PIK3AP1: variants seen among roughly 807,000 people sequenced by gnomAD.
PIK3AP1 encodes phosphoinositide 3-kinase adapter protein 1.
PIK3AP1 carries 21 observed loss-of-function variants against 88.1 expected under a neutral mutation model. The ratio of observed to expected loss-of-function variants is 0.24; its 90% CI spans 0.17 to 0.34. PIK3AP1 has a LOEUF of 0.34. Ranked by LOEUF, PIK3AP1 falls within the 10% of genes least tolerant of loss-of-function variation. PIK3AP1 has a pLI of 1.00. For missense variants in PIK3AP1, 828 were observed against 1,035.7 expected (o/e 0.80, Z 2.75); for synonymous variants, 398 against 400.0 (o/e 1.00, Z 0.06).
At chr10:96,630,008 A>G (rs1037103293) in intron 8 of PIK3AP1, among the ~76,000 whole-genome samples, 1 of 151,740 alleles carries the variant, frequency 6.6e-6, no homozygotes, top group African/African-American at 2.4e-5. Context: ...TAAGAAATTA[A>G]TATCAGTGGT....
At chr10:96,651,469 A>T (rs774694766) in intron 5 of PIK3AP1, 40 bp downstream of exon 5, 37 of 1,613,932 alleles carry the variant, frequency 2.3e-5, no homozygotes, top group Middle Eastern at 3.3e-4. Context: ...AGCAGAAATT[A>T]CATGCCCAGA....
At chr10:96,632,194 G>A (rs1843253453) in intron 8 of PIK3AP1, among the ~76,000 whole-genome samples, 1 of 152,174 alleles carries the variant, frequency 6.6e-6, no homozygotes, top group Non-Finnish European at 1.5e-5. Flanking sequence ...TCCTAGAAAG[G>A]AGCACGGAAC....
intron 12 of PIK3AP1, among the ~76,000 whole-genome samples, chr10:96,619,673 A>G (rs1183337349): frequency 6.6e-6 from 1 of 152,242 alleles, no homozygotes; most frequent in Non-Finnish European, 1.5e-5. Flanking sequence ...CACTTATGAT[A>G]CAGGTATGGA....
At chr10:96,656,495 T>C (rs1374190720) in intron 3 of PIK3AP1, among the ~76,000 whole-genome samples, 1 of 152,068 alleles carries the variant, frequency 6.6e-6, no homozygotes, top group African/African-American at 2.4e-5. Context: ...AACTTTAGGG[T>C]TAGCGTTAGT....
rs796814875 is a variant in PIK3AP1, at chr10:96,619,149, G to A, written c.1941+1203C>T. Among the ~76,000 whole-genome samples, 62 of 152,300 alleles carry A rather than the reference G, an allele frequency of 4.1e-4. 1 individual carries two copies. The highest frequency in any genetic ancestry group is 1.2e-3 in the African/African-American group (51 of 41,548). Reference sequence around the variant, plus strand: ...ATACTTATTTCATATGCGTGTATGAGGAGTGAAAGAGATCAGGTCTATTTA... The same window carrying A: ...ATACTTATTTCATATGCGTGTATGAAGAGTGAAAGAGATCAGGTCTATTTA... On this transcript the variant is annotated intron_variant, in intron 12 of 16. Transcript: ENST00000339364.
intron 2 of PIK3AP1, among the ~76,000 whole-genome samples, chr10:96,697,107 G>A (rs1844231225): frequency 6.6e-6 from 1 of 152,166 alleles, no homozygotes; most frequent in African/African-American, 2.4e-5. Flanking sequence ...TTCTCTTACT[G>A]ATTGTCATAA....
At chr10:96,672,787 T>C (rs1843865318) in intron 2 of PIK3AP1, among the ~76,000 whole-genome samples, 1 of 152,192 alleles carries the variant, frequency 6.6e-6, no homozygotes. Flanking sequence ...TCTTCCAAGT[T>C]CAACCTTCAG....
At chr10:96,634,837 G>A (rs1038733112) in intron 8 of PIK3AP1, among the ~76,000 whole-genome samples, 2 of 152,182 alleles carry the variant, frequency 1.3e-5, no homozygotes, top group African/African-American at 2.4e-5. Flanking sequence ...TCAAGGTTTT[G>A]TCAGGGCTGC....
chr10:96,597,138 G>GCCT (rs1390201614), intron 16 of PIK3AP1, among the ~76,000 whole-genome samples: 2 of 152,080 alleles, frequency 1.3e-5, no homozygotes, highest in Non-Finnish European at 2.9e-5. Context: ...AAAAAGGATG[G>GCCT]CCTCCTTCTA....
chr10:96,616,140 A>G (rs1849211723), intron 13 of PIK3AP1, among the ~76,000 whole-genome samples: 1 of 152,208 alleles, frequency 6.6e-6, no homozygotes, highest in East Asian at 1.9e-4. Context: ...AGTGTGCACC[A>G]CTGGAATTTG....
rs113553540 is a variant in PIK3AP1 at position 96,666,427 on chromosome 10, A to C, written c.431-9493T>G. 4.1e-3 allele frequency among the ~76,000 whole-genome samples: 618 copies of C among 152,288 alleles called. 7 individuals are homozygous for C. Among genetic ancestry groups the C allele is most frequent in the African/African-American group, 0.014 (601 of 41,556 alleles). ...GAGTGAGACTCCATCTCAAACAAAC[A>C]AACAAAAAAAAGAGTTAAATATGTC... On this transcript the variant is annotated intron_variant, in intron 2 of 16. Transcript: ENST00000339364.
chr10:96,702,083 T>C (rs888740569), intron 2 of PIK3AP1, among the ~76,000 whole-genome samples: 4 of 152,176 alleles, frequency 2.6e-5, no homozygotes, highest in African/African-American at 4.8e-5. Flanking sequence ...ATCTCACTTA[T>C]ATGTGGAATC....
At chr10:96,679,103 A>G (rs1843964170) in intron 2 of PIK3AP1, among the ~76,000 whole-genome samples, 1 of 152,238 alleles carries the variant, frequency 6.6e-6, no homozygotes, top group Non-Finnish European at 1.5e-5. Flanking sequence ...TCAGAATTTG[A>G]AAGAACCTGA....
In PIK3AP1 at chr10:96,620,528, G is replaced by A. The variant is rs756599355; in HGVS notation, c.1765C>T (p.Pro589Ser). Residue 589 changes from proline to serine, a missense_variant, in exon 12 of 17, where the codon CCC (proline) becomes TCC (serine). Pro to Ser is a moderately conservative substitution (Grantham distance 74, BLOSUM62 -1). Transcript: ENST00000339364. ...AAAGGGTCATATATACTCGACTGGG[G>A]CCTGTCCCTCCATGGTCTGACGGGC... ...GPPVRPWRDR[P>S]QSSIYDPFAG... 3.4e-5 allele frequency: 55 copies of A among 1,613,158 alleles called. No individual in the cohort carries two copies. Among genetic ancestry groups the A allele is most frequent in the Admixed American group, 5.0e-5 (3 of 60,018 alleles).
intron 1 of PIK3AP1, among the ~76,000 whole-genome samples, chr10:96,716,009 A>T (rs1844497566): frequency 6.6e-6 from 1 of 152,054 alleles, no homozygotes; most frequent in East Asian, 1.9e-4. Flanking sequence ...GGCCAGGAAC[A>T]GTGGCTCACA....
chr10:96,652,857 C>T lies in PIK3AP1; in HGVS notation c.568-15G>A, dbSNP rs575594175. The T allele has an allele frequency of 2.8e-5, 45 of 1,610,324 alleles. No homozygotes were observed. In the South Asian group the frequency reaches 3.1e-4, roughly 11 times the overall value. ...GTGGTTTCTGCCTGAAACGGGAAGC[C>T]GGTCATTGTCCCCTCTCCCTCTCAG... is the stretch of plus-strand genomic sequence containing the variant. On this transcript the variant is annotated splice_polypyrimidine_tract_variant and intron_variant, in intron 3 of 16. Coordinates refer to ENST00000339364, the MANE Select transcript of PIK3AP1 (RefSeq NM_152309.3).
intron 4 of PIK3AP1, 135 bp from the exon 5 acceptor site, chr10:96,651,786 G>T: frequency 9.5e-7 from 1 of 1,056,590 alleles, no homozygotes; most frequent in Non-Finnish European, 1.4e-6. Context: ...TTGGAGGTGA[G>T]CTGGGGCGGG....
In PIK3AP1 at chr10:96,595,230, C is replaced by A; in HGVS notation, c.*347G>T. Reference sequence around the variant, plus strand: ...AAATACATAAAGACTAATATAAGTGCATTTCAGTAAAATCACTGGTGAAGT... The same window carrying A: ...AAATACATAAAGACTAATATAAGTGAATTTCAGTAAAATCACTGGTGAAGT... On this transcript the variant is annotated 3_prime_UTR_variant, in exon 17 of 17. Transcript: ENST00000339364. 3.6e-6 allele frequency: 1 copy of A among 277,336 alleles called. No homozygotes were observed. The highest frequency in any genetic ancestry group is 6.8e-6 in the Non-Finnish European group (1 of 146,248). 17.2% of individuals were successfully genotyped at this position (277,336 alleles called of 1,614,324 possible).
At chr10:96,705,739 T>G (rs1844352705) in intron 2 of PIK3AP1, among the ~76,000 whole-genome samples, 1 of 151,762 alleles carries the variant, frequency 6.6e-6, no homozygotes, top group African/African-American at 2.4e-5. Context: ...CACACCACCA[T>G]GCCCAGCTAA....
Sources: allele counts gnomAD v4.1 joint callset (sites outside exome capture counted in the v4.1 genomes callset), GRCh38; gene constraint gnomAD v4.1.1; transcripts MANE v1.5; gene names NCBI Gene and HGNC (gene_info 2026-07-23, HGNC 2026-07-21).